The following LANCL2 variants were observed in gnomAD, a reference collection of about 807,000 sequenced individuals.
LANCL2 encodes the protein lanC-like protein 2.
LANCL2 carries 33 observed loss-of-function variants against 56.9 expected under a neutral mutation model. That is an observed-to-expected ratio of 0.58 (90% CI 0.44 to 0.78). LANCL2 has a LOEUF of 0.78. Among genes scored for constraint, LANCL2 ranks in the 30% least tolerant of loss-of-function variants. The pLI, the probability that LANCL2 is intolerant of heterozygous loss-of-function variation, is 0.00. For synonymous variants in LANCL2, 233 were observed against 228.2 expected (o/e 1.02, Z -0.19); for missense variants, 562 against 580.2 (o/e 0.97, Z 0.32).
intron 2 of LANCL2, among the ~76,000 whole-genome samples, chr7:55,395,740 T>C (rs1361758715): frequency 6.6e-6 from 1 of 152,246 alleles, no homozygotes; most frequent in African/African-American, 2.4e-5. Flanking sequence ...CAGCTCTTCT[T>C]AGCTCCATCA....
In LANCL2 at chr7:55,370,474, C is replaced by T. The variant is rs577479707; in HGVS notation, c.204+4245C>T. Among the ~76,000 whole-genome samples the T allele has an allele frequency of 1.3e-3, 203 of 152,324 alleles. 2 individuals are homozygous for T. The highest frequency in any genetic ancestry group is 4.8e-3 in the African/African-American group (199 of 41,562). On this transcript the variant is annotated intron_variant, in intron 1 of 8. Transcript: ENST00000254770. Reference sequence around the variant, plus strand: ...GCCAGGGCTGAAATCTTGAACTTGTCAGAGAGGTCATTGCCATACCTCATT... The same window carrying T: ...GCCAGGGCTGAAATCTTGAACTTGTTAGAGAGGTCATTGCCATACCTCATT...
intron 1 of LANCL2, chr7:55,379,686 A>G (rs940977441): frequency 2.0e-5 from 3 of 152,696 alleles, no homozygotes; most frequent in African/African-American, 7.2e-5. Context: ...CTAAGTTACT[A>G]ACATGGAGTC....
intron 7 of LANCL2, chr7:55,428,167 C>A: frequency 1.7e-6 from 1 of 594,124 alleles, no homozygotes; most frequent in East Asian, 2.8e-5. Context: ...GTAAGGCAGA[C>A]CCCACTCTAC....
chr7:55,397,845 T>C (rs1398740806), intron 2 of LANCL2, among the ~76,000 whole-genome samples: 3 of 152,146 alleles, frequency 2.0e-5, no homozygotes, highest in African/African-American at 7.2e-5. Context: ...CCCTTTGTAC[T>C]GATCACCTTA....
At chr7:55,366,656 A>G (rs915347081) in intron 1 of LANCL2, among the ~76,000 whole-genome samples, 1 of 151,998 alleles carries the variant, frequency 6.6e-6, no homozygotes, top group African/African-American at 2.4e-5. Context: ...GCCGACAAAG[A>G]AGCATTGTCC....
At position 55,386,332 on chromosome 7, in the gene LANCL2, A is replaced by C. The variant is rs372548649; in HGVS notation, c.205-5461A>C. On this transcript the variant is annotated intron_variant, in intron 1 of 8. Transcript: ENST00000254770. ...TAAAGACAGGCATAAGAAATTAGAA[A>C]AGTATTAATTTGGGGAACTAATAAA... Among the ~76,000 whole-genome samples the C allele has an allele frequency of 1.2e-4, 18 of 152,366 alleles. No homozygotes were observed. The South Asian group carries it at 3.5e-3, about 30-fold the overall frequency.
At chr7:55,423,230 G>A (rs1790627736) in intron 6 of LANCL2, among the ~76,000 whole-genome samples, 1 of 152,218 alleles carries the variant, frequency 6.6e-6, no homozygotes, top group South Asian at 2.1e-4. Context: ...AGTGTATGTG[G>A]TGGCAGGAGT....
intron 6 of LANCL2, among the ~76,000 whole-genome samples, chr7:55,421,607 T>G (rs1454324683): frequency 6.6e-6 from 1 of 152,210 alleles, no homozygotes; most frequent in Non-Finnish European, 1.5e-5. Context: ...CCTCCCTAAG[T>G]GCTGGGATTA....
chr7:55,393,637 A>G (rs769039333), intron 2 of LANCL2, among the ~76,000 whole-genome samples: 1 of 152,068 alleles, frequency 6.6e-6, no homozygotes, highest in Non-Finnish European at 1.5e-5. Context: ...ATAATATTGT[A>G]TTTGTATTTA....
intron 1 of LANCL2, among the ~76,000 whole-genome samples, chr7:55,372,875 A>G (rs1266949820): frequency 1.3e-5 from 2 of 152,240 alleles, no homozygotes; most frequent in Non-Finnish European, 2.9e-5. Flanking sequence ...CAGATTGCCA[A>G]TAGTTTCCAG....
chr7:55,429,350 A>G (rs1408084874), intron 8 of LANCL2, among the ~76,000 whole-genome samples: 1 of 152,224 alleles, frequency 6.6e-6, no homozygotes, highest in Non-Finnish European at 1.5e-5. Context: ...CGTTTTTAAA[A>G]TAGTTATAGG....
intron 4 of LANCL2, 27 bp from the exon 5 acceptor site, chr7:55,401,147 A>AT: frequency 6.2e-7 from 1 of 1,607,836 alleles, no homozygotes. Flanking sequence ...ACAGTTTTAG[A>AT]TTTATGCTGT....
intron 6 of LANCL2, among the ~76,000 whole-genome samples, chr7:55,416,869 AAT>A (rs1790545390): frequency 6.6e-6 from 1 of 151,978 alleles, no homozygotes; most frequent in South Asian, 2.1e-4. Context: ...TTATATAGAT[AAT>A]ACTCTCCTTT....
intron 5 of LANCL2, among the ~76,000 whole-genome samples, chr7:55,402,768 G>A (rs1360804709): frequency 1.6e-5 from 2 of 125,242 alleles, no homozygotes; most frequent in African/African-American, 6.4e-5. Flanking sequence ...CAGACGGGGC[G>A]GTTGCCGGGC....
intron 6 of LANCL2, among the ~76,000 whole-genome samples, 183 bp downstream of exon 6, chr7:55,412,272 CTGTG>C (rs914475307): frequency 6.6e-6 from 1 of 152,014 alleles, no homozygotes; most frequent in Non-Finnish European, 1.5e-5. Context: ...TGCTGCAAGT[CTGTG>C]TGTGTGTATG....
At chr7:55,382,498 A>T (rs760674724) in intron 1 of LANCL2, among the ~76,000 whole-genome samples, 1 of 152,152 alleles carries the variant, frequency 6.6e-6, no homozygotes, top group Non-Finnish European at 1.5e-5. Flanking sequence ...TGAACTGGAG[A>T]CCGGAGTTTT....
chr7:55,430,046 A>G (rs1790711402), intron 8 of LANCL2, among the ~76,000 whole-genome samples: 1 of 152,226 alleles, frequency 6.6e-6, no homozygotes, highest in South Asian at 2.1e-4. Flanking sequence ...CGCCCAGTGG[A>G]TCCGCTGCCC....
intron 6 of LANCL2, among the ~76,000 whole-genome samples, chr7:55,420,966 A>T (rs1790601460): frequency 6.6e-6 from 1 of 151,812 alleles, no homozygotes; most frequent in Non-Finnish European, 1.5e-5. Context: ...TAATGAATTG[A>T]CTCTTTTATC....
At chr7:55,429,822 T>C (rs1030787332) in intron 8 of LANCL2, among the ~76,000 whole-genome samples, 2 of 152,274 alleles carry the variant, frequency 1.3e-5, no homozygotes, top group Non-Finnish European at 2.9e-5. Flanking sequence ...GGGAAGTTAA[T>C]AGGTCACCTC....
Sources: allele counts gnomAD v4.1 joint callset (sites outside exome capture counted in the v4.1 genomes callset), GRCh38; gene constraint gnomAD v4.1.1; transcripts MANE v1.5; gene names NCBI Gene and HGNC (gene_info 2026-07-23, HGNC 2026-07-21).